The following VSNL1 variants were observed in gnomAD, a reference collection of about 807,000 sequenced individuals.
VSNL1 encodes the protein visinin like 1, also known as visinin-like protein 1.
Under a neutral mutation model 20.4 loss-of-function variants are expected in VSNL1, and 6 were observed. The observed-to-expected ratio is 0.29, with a 90% CI of 0.16 to 0.58. VSNL1 has a LOEUF of 0.58. Ranked by LOEUF, VSNL1 falls within the 20% of genes least tolerant of loss-of-function variation. The pLI is 0.90. For missense variants in VSNL1, 100 were observed against 234.5 expected, an observed-to-expected ratio of 0.43 and a Z score of 3.75; for synonymous variants, 93 against 86.4, an observed-to-expected ratio of 1.08 and a Z score of -0.42.
intron 1 of VSNL1, among the ~76,000 whole-genome samples, chr2:17,586,919 C>T (rs2103371076): frequency 6.6e-6 from 1 of 152,268 alleles, no homozygotes; most frequent in Non-Finnish European, 1.5e-5. Context: ...AGGCCAGTCT[C>T]TACAAAGGCA....
chr2:17,650,307 CCAAAG>C (rs1666096896), intron 3 of VSNL1, among the ~76,000 whole-genome samples: 1 of 152,208 alleles, frequency 6.6e-6, no homozygotes, highest in Non-Finnish European at 1.5e-5. Flanking sequence ...CACCCTCACA[CCAAAG>C]CAATCTAACC....
At chr2:17,613,347 G>A (rs1332733426) in intron 2 of VSNL1, among the ~76,000 whole-genome samples, 1 of 152,158 alleles carries the variant, frequency 6.6e-6, no homozygotes, top group Admixed American at 6.5e-5. Flanking sequence ...CTTGGAAAAA[G>A]TACAGTGAAA....
intron 2 of VSNL1, among the ~76,000 whole-genome samples, chr2:17,609,272 T>C (rs1269280498): frequency 6.6e-6 from 1 of 152,014 alleles, no homozygotes; most frequent in Non-Finnish European, 1.5e-5. Flanking sequence ...GACAGAGGAG[T>C]AGGGGAGCAT....
chr2:17,614,981 G>C (rs578048483), intron 2 of VSNL1, among the ~76,000 whole-genome samples: 1 of 152,204 alleles, frequency 6.6e-6, no homozygotes, highest in Non-Finnish European at 1.5e-5. Flanking sequence ...TTTCCAGAGA[G>C]AGCGGAAGTT....
chr2:17,650,218 A>G (rs1666095472), intron 3 of VSNL1, among the ~76,000 whole-genome samples: 1 of 151,868 alleles, frequency 6.6e-6, no homozygotes, highest in Non-Finnish European at 1.5e-5. Context: ...CTCCTCCCTC[A>G]CTTTGCTCCC....
intron 1 of VSNL1, among the ~76,000 whole-genome samples, chr2:17,553,771 A>G (rs1389992897): frequency 6.6e-6 from 1 of 152,014 alleles, no homozygotes; most frequent in Non-Finnish European, 1.5e-5. Context: ...ATTATAACGT[A>G]TCTCACGAAA....
At chr2:17,622,532 AAAAGAAAGAAAGAAAGAAAG>A (rs201871488) in intron 2 of VSNL1, among the ~76,000 whole-genome samples, 4,400 of 98,540 alleles carry the variant, frequency 0.045, 179 homozygotes, top group African/African-American at 0.08. Context: ...AGAAAGAAAG[AAAAGAAAGAAAGAAAGAAAG>A]AAAGAAAGAA....
intron 1 of VSNL1, among the ~76,000 whole-genome samples, chr2:17,544,107 G>A (rs1475623760): frequency 6.6e-6 from 1 of 152,176 alleles, no homozygotes; most frequent in Non-Finnish European, 1.5e-5. Flanking sequence ...GCCAGAGGAA[G>A]TCCCACTTGG....
At chr2:17,552,199 C>A (rs1454088044) in intron 1 of VSNL1, among the ~76,000 whole-genome samples, 249 of 120,466 alleles carry the variant, frequency 2.1e-3, no homozygotes, top group East Asian at 6.1e-3. Flanking sequence ...GATTCCATCT[C>A]AAAAAAAAAA....
At chr2:17,581,513 G>A (rs1449743408) in intron 1 of VSNL1, among the ~76,000 whole-genome samples, 1 of 152,138 alleles carries the variant, frequency 6.6e-6, no homozygotes, top group African/African-American at 2.4e-5. Context: ...TTTTAAAAGA[G>A]GTTTTTAAAA....
chr2:17,556,716 T>C (rs765665503), intron 1 of VSNL1, among the ~76,000 whole-genome samples: 16 of 152,206 alleles, frequency 1.1e-4, no homozygotes, highest in Non-Finnish European at 2.1e-4. Context: ...AGGCTGAACA[T>C]TTCTTGTGTA....
chr2:17,574,871 A>G (rs866499456), intron 1 of VSNL1, among the ~76,000 whole-genome samples: 1 of 152,020 alleles, frequency 6.6e-6, no homozygotes, highest in Non-Finnish European at 1.5e-5. Flanking sequence ...GGCTCAAGCA[A>G]TCCTCCTTCC....
At position 17,655,936 on chromosome 2, in the gene VSNL1, T is replaced by G. The variant is rs921513803; in HGVS notation, c.*542T>G. On this transcript the variant is annotated 3_prime_UTR_variant, in exon 4 of 4. Transcript: ENST00000295156. This position sits in a 1 kb window ranked among gnomAD's most constrained non-coding sequence, Gnocchi z 5.2. ...TACTACATTTGCATGCCTTTTGGGTTTGCCTTAATTCTTACCTCATTTGCA... is the reference window on the plus strand; with the variant it reads ...TACTACATTTGCATGCCTTTTGGGTGTGCCTTAATTCTTACCTCATTTGCA... 3 of 153,114 alleles carry G rather than the reference T, an allele frequency of 2.0e-5. No homozygotes were observed. The highest frequency in any genetic ancestry group is 7.2e-5 in the African/African-American group (3 of 41,464). The allele number at this position is 153,114 out of a possible 1,614,324, so 9.5% of individuals were successfully genotyped here.
rs1665719248 is a variant in VSNL1 at position 17,634,961 on chromosome 2, T to TAC, written c.163-14441_163-14440dup. Reference sequence around the variant, plus strand: ...GCTCGTTTGAACACACATACACACGTACACACACATACATGTGCACATACA... The same window carrying TAC: ...GCTCGTTTGAACACACATACACACGTACACACACACATACATGTGCACATACA... On this transcript the variant is annotated intron_variant, in intron 2 of 3. Coordinates refer to ENST00000295156, the MANE Select transcript of VSNL1 (RefSeq NM_003385.5). This position sits in a 1 kb window ranked among gnomAD's most constrained non-coding sequence, Gnocchi z 4.3. Among the ~76,000 whole-genome samples, 1 of 152,124 alleles carries TAC rather than the reference T, an allele frequency of 6.6e-6. No individual in the cohort carries two copies. Among genetic ancestry groups the TAC allele is most frequent in the East Asian group, 1.9e-4 (1 of 5,188 alleles).
chr2:17,563,135 A>C (rs1663857645), intron 1 of VSNL1, among the ~76,000 whole-genome samples: 1 of 152,224 alleles, frequency 6.6e-6, no homozygotes. Flanking sequence ...ACAAGAAACC[A>C]CCAGAAAGGT....
At chr2:17,650,371 CTTG>C (rs1466426838) in intron 3 of VSNL1, among the ~76,000 whole-genome samples, 1 of 152,236 alleles carries the variant, frequency 6.6e-6, no homozygotes, top group African/African-American at 2.4e-5. Context: ...CCCAGATTAA[CTTG>C]TTGAGTGGAA....
At chr2:17,650,591 A>G (rs995601162) in intron 3 of VSNL1, among the ~76,000 whole-genome samples, 2 of 152,232 alleles carry the variant, frequency 1.3e-5, no homozygotes, top group Non-Finnish European at 2.9e-5. Flanking sequence ...CTGAAGGTAG[A>G]GCCAGGTGCT....
intron 2 of VSNL1, among the ~76,000 whole-genome samples, chr2:17,597,824 C>A (rs1664742953): frequency 6.6e-6 from 1 of 152,162 alleles, no homozygotes; most frequent in Admixed American, 6.5e-5. Context: ...AAGCTCAGAG[C>A]CTGGAGGAAT....
At chr2:17,585,845 A>C (rs1170575596) in intron 1 of VSNL1, among the ~76,000 whole-genome samples, 1 of 147,344 alleles carries the variant, frequency 6.8e-6, no homozygotes, top group Non-Finnish European at 1.5e-5. Context: ...CACTCTTGTC[A>C]CCCAGGCTGG....
Sources: gnomAD v4.1 joint callset for allele counts (sites outside exome capture counted in the v4.1 genomes callset) on GRCh38, gnomAD v4.1.1 for gene constraint, Gnocchi (gnomAD v3.1) non-coding constraint, MANE v1.5 for transcripts, NCBI Gene and HGNC (gene_info 2026-07-23, HGNC 2026-07-21) for gene names.